CDH11: variants seen among roughly 807,000 people sequenced by gnomAD.
The protein encoded by CDH11 is cadherin-11.
In CDH11, 11 loss-of-function variants were observed where a neutral mutation model predicts 67.8. The observed-to-expected ratio is 0.16, with a 90% CI of 0.10 to 0.27. The LOEUF (loss-of-function observed/expected upper bound fraction) is 0.27, where lower values mean the gene tolerates loss of function less well. Ranked by LOEUF, CDH11 falls within the 10% of genes least tolerant of loss-of-function variation. The pLI is 1.00. For synonymous variants in CDH11, 419 were observed against 400.0 expected (o/e 1.05, Z -0.57); for missense variants, 847 against 1,031.2 (o/e 0.82, Z 2.45).
intron 12 of CDH11, chr16:64,948,421 T>G (rs2071252772): frequency 1.6e-6 from 1 of 624,568 alleles, no homozygotes; most frequent in Non-Finnish European, 2.8e-6. Flanking sequence ...AATATGTTGG[T>G]CTGTAGTCTC....
intron 11 of CDH11, among the ~76,000 whole-genome samples, chr16:64,952,341 T>G (rs928327028): frequency 6.6e-6 from 1 of 152,220 alleles, no homozygotes; most frequent in African/African-American, 2.4e-5. Context: ...GACTGTGAAC[T>G]TCTTGAGAAT....
At chr16:64,996,917 G>C (rs2072783164) in intron 4 of CDH11, among the ~76,000 whole-genome samples, 1 of 152,082 alleles carries the variant, frequency 6.6e-6, no homozygotes. Context: ...GAAATCTGTT[G>C]GTTACTCTGT....
chr16:65,011,756 T>C (rs1038061242), intron 2 of CDH11, among the ~76,000 whole-genome samples: 1 of 152,198 alleles, frequency 6.6e-6, no homozygotes, highest in Admixed American at 6.5e-5. Context: ...ATAAATACTC[T>C]ATATGAATGT....
chr16:65,081,460 G>A (rs945690703), intron 1 of CDH11, among the ~76,000 whole-genome samples: 47 of 151,894 alleles, frequency 3.1e-4, no homozygotes, highest in African/African-American at 1.1e-3. Flanking sequence ...TCCCAGCTAC[G>A]CGGGAGGCTG....
intron 1 of CDH11, among the ~76,000 whole-genome samples, chr16:65,063,557 C>T (rs758653198): frequency 6.6e-6 from 1 of 152,136 alleles, no homozygotes; most frequent in African/African-American, 2.4e-5. Context: ...GATACCTACA[C>T]TTGATCTTAG....
At chr16:64,950,603 C>T (rs1303505556) in intron 12 of CDH11, among the ~76,000 whole-genome samples, 164 bp downstream of exon 12, 2 of 151,856 alleles carry the variant, frequency 1.3e-5, no homozygotes, top group Non-Finnish European at 2.9e-5. Context: ...CCCACCTCGC[C>T]CCCACAACGC....
intron 11 of CDH11, among the ~76,000 whole-genome samples, chr16:64,957,788 G>A (rs2071559106): frequency 6.6e-6 from 1 of 151,982 alleles, no homozygotes; most frequent in South Asian, 2.1e-4. Context: ...CATCATTTGA[G>A]CATTTAGTTA....
intron 1 of CDH11, among the ~76,000 whole-genome samples, chr16:65,108,253 T>C (rs1426025261): frequency 6.6e-6 from 1 of 152,202 alleles, no homozygotes; most frequent in Non-Finnish European, 1.5e-5. Context: ...TCCTGATTAA[T>C]GCTCCCAAAT....
chr16:65,074,595 G>T (rs1341189108), intron 1 of CDH11, among the ~76,000 whole-genome samples: 2 of 152,114 alleles, frequency 1.3e-5, no homozygotes, highest in Non-Finnish European at 2.9e-5. Context: ...TTTATGACAA[G>T]TTCCTATGGA....
chr16:65,022,166 CT>C (rs2073440938), intron 2 of CDH11, among the ~76,000 whole-genome samples: 1 of 151,924 alleles, frequency 6.6e-6, no homozygotes, highest in Admixed American at 6.6e-5. Flanking sequence ...AGATATAAAT[CT>C]GAGAAACCTT....
intron 7 of CDH11, chr16:64,985,870 C>A (rs914661785): frequency 4.0e-5 from 6 of 150,702 alleles, no homozygotes; most frequent in African/African-American, 1.5e-4. Flanking sequence ...CTGAGAAAAC[C>A]CTCTCGGTTT....
Position 65,047,894 on chromosome 16 carries a change from C to T in CDH11, c.-173+5910G>A, listed in dbSNP as rs569284270. ...AGAGGTCACCTCCTCACTGAAGCTC[C>T]GCCTGATTTCCTCCAGCAGAAGTCA... On this transcript the variant is annotated intron_variant, in intron 2 of 12. Transcript: ENST00000268603. Among the ~76,000 whole-genome samples, 39 of 152,220 alleles carry T rather than the reference C, an allele frequency of 2.6e-4. No individual in the cohort carries two copies. The South Asian group carries it at 3.5e-3, about 14-fold the overall frequency.
At chr16:65,054,300 T>A (rs2074108442) in intron 1 of CDH11, among the ~76,000 whole-genome samples, 1 of 152,198 alleles carries the variant, frequency 6.6e-6, no homozygotes, top group South Asian at 2.1e-4. Flanking sequence ...AGAACCTATG[T>A]TCCAAAGCCA....
intron 2 of CDH11, among the ~76,000 whole-genome samples, chr16:65,026,532 A>G (rs577225780): frequency 6.6e-6 from 1 of 152,266 alleles, no homozygotes; most frequent in East Asian, 1.9e-4. Context: ...CTCAAGAAAT[A>G]TTTTTGGAGA....
In CDH11 at chr16:64,946,553, G is replaced by A. The variant is rs2071201730; in HGVS notation, c.*1050C>T. 1.9e-6 allele frequency: 2 copies of A among 1,032,790 alleles called. No homozygotes were observed. Among genetic ancestry groups the A allele is most frequent in the Non-Finnish European group, 2.3e-6 (2 of 858,680 alleles). 64.0% of individuals were successfully genotyped at this position (1,032,790 alleles called of 1,614,324 possible). A position where few individuals can be genotyped will look rare whatever the true frequency, so the allele number is the denominator to read the frequency against. ...AGAAGATGTGTGTGAAGAGAAGCCA[G>A]GAGGTTAACACCAAGAATGTACAAA... On this transcript the variant is annotated 3_prime_UTR_variant, in exon 13 of 13. Coordinates refer to ENST00000268603, the MANE Select transcript of CDH11 (RefSeq NM_001797.4).
At chr16:64,995,230 A>G (rs1326052612) in intron 4 of CDH11, among the ~76,000 whole-genome samples, 1 of 110,446 alleles carries the variant, frequency 9.1e-6, no homozygotes, top group African/African-American at 3.0e-5. Flanking sequence ...ACAGAATTAG[A>G]AAAAAAAACT....
chr16:65,100,892 A>T (rs6498977), intron 1 of CDH11, among the ~76,000 whole-genome samples: 2 of 152,178 alleles, frequency 1.3e-5, no homozygotes, highest in East Asian at 3.9e-4. Flanking sequence ...GTGTAATGAT[A>T]TCTGAAAAAA....
In CDH11 at chr16:65,059,928, AC is replaced by A. The variant is rs570232990; in HGVS notation, c.-297-6001del. ...CATATGAGCAAACCTCCTACTACTC[AC>A]TACATTTTATCTGTATTTCTTGCCC... On this transcript the variant is annotated intron_variant, in intron 1 of 12. Coordinates refer to ENST00000268603, the MANE Select transcript of CDH11 (RefSeq NM_001797.4). Among the ~76,000 whole-genome samples, 21 of 152,296 alleles carry A rather than the reference AC, an allele frequency of 1.4e-4. No homozygotes were observed. The East Asian group carries it at 3.3e-3, about 24-fold the overall frequency.
chr16:65,039,405 T>C (rs989283414), intron 2 of CDH11, among the ~76,000 whole-genome samples: 1 of 152,130 alleles, frequency 6.6e-6, no homozygotes, highest in Non-Finnish European at 1.5e-5. Flanking sequence ...GAAATAATGC[T>C]GCATATCTAC....
Sources: allele counts gnomAD v4.1 joint callset (sites outside exome capture counted in the v4.1 genomes callset), GRCh38; gene constraint gnomAD v4.1.1; transcripts MANE v1.5; gene names NCBI Gene and HGNC (gene_info 2026-07-23, HGNC 2026-07-21).